COL21A1: variants seen among roughly 807,000 people sequenced by gnomAD.
COL21A1 encodes collagen type XXI alpha 1 chain.
A neutral mutation model predicts 137.9 loss-of-function variants in COL21A1; 149 were observed. The observed-to-expected ratio is 1.08, with a 90% CI of 0.95 to 1.24. The LOEUF is 1.24. COL21A1 is among the 50% of genes most tolerant of loss of function. The pLI is 0.00. For synonymous variants in COL21A1, 456 were observed against 391.5 expected, an observed-to-expected ratio of 1.16 and a Z score of -1.95; for missense variants, 1,167 against 1,158.4, an observed-to-expected ratio of 1.01 and a Z score of -0.11.
At chr6:56,233,307 C>G (rs893389647) in intron 1 of COL21A1, among the ~76,000 whole-genome samples, 6 of 151,592 alleles carry the variant, frequency 4.0e-5, no homozygotes, top group African/African-American at 1.5e-4. Context: ...TAAGAGTGAA[C>G]AAATATCAAT....
chr6:56,069,625 C>T (rs1023544370), intron 21 of COL21A1, among the ~76,000 whole-genome samples: 1 of 150,104 alleles, frequency 6.7e-6, no homozygotes, highest in Non-Finnish European at 1.5e-5. Context: ...TTCATAAACA[C>T]ACATATATAG....
At chr6:56,296,646 A>G (rs1266220163) in intron 1 of COL21A1, among the ~76,000 whole-genome samples, 5 of 152,016 alleles carry the variant, frequency 3.3e-5, no homozygotes, top group African/African-American at 1.2e-4. Context: ...GACAATATTT[A>G]GGCTGTGTCT....
Position 56,060,738 on chromosome 6 carries a change from T to G in COL21A1, c.2407+3A>C, listed in dbSNP as rs1298152828. ...TTATTAAAATGCTATATTTGATACC[T>G]ACCTCTTATTACATCTGTGCAAACT... is the stretch of plus-strand genomic sequence containing the variant. On this transcript the variant is annotated splice_donor_region_variant and intron_variant, in intron 27 of 29. Transcript: ENST00000244728. 6.3e-7 allele frequency: 1 copy of G among 1,596,668 alleles called. No homozygotes were observed. The highest frequency in any genetic ancestry group is 8.5e-7 in the Non-Finnish European group (1 of 1,174,900).
Position 56,060,064 on chromosome 6 carries a change from A to G in COL21A1, c.2562T>C (p.Pro854=). Residue 854 remains proline (P), a synonymous_variant, in exon 28 of 30, where the codon CCT becomes CCC. Coordinates refer to ENST00000244728, the MANE Select transcript of COL21A1 (RefSeq NM_030820.4). ...LPGLPGRDGV[P]GLVGVPGRPG... ...GACGTCCAGGGACACCCACTAATCC[A>G]GGAACACCATCTCTTCCTGGCAAAC... 1 of 1,610,530 alleles carries G rather than the reference A, an allele frequency of 6.2e-7. No homozygotes were observed. The highest frequency in any genetic ancestry group is 1.7e-4 in the Middle Eastern group (1 of 6,046).
intron 3 of COL21A1, among the ~76,000 whole-genome samples, chr6:56,173,621 C>T (rs546328798): frequency 6.6e-6 from 1 of 152,064 alleles, no homozygotes; most frequent in South Asian, 2.1e-4. Context: ...GAAAGATATC[C>T]TACTATGATA....
At chr6:56,145,515 G>A (rs528197085) in intron 10 of COL21A1, among the ~76,000 whole-genome samples, 7 of 152,096 alleles carry the variant, frequency 4.6e-5, no homozygotes, top group East Asian at 3.9e-4. Context: ...AGGTTAAAAA[G>A]GGGAATATTA....
intron 14 of COL21A1, among the ~76,000 whole-genome samples, chr6:56,125,108 C>T (rs1342570420): frequency 2.0e-5 from 3 of 149,776 alleles, no homozygotes; most frequent in Non-Finnish European, 3.0e-5. Flanking sequence ...GCAACCTCCG[C>T]CTCCCAGGTT....
intron 1 of COL21A1, among the ~76,000 whole-genome samples, chr6:56,190,817 A>C (rs892469688): frequency 1.3e-5 from 2 of 152,220 alleles, no homozygotes; most frequent in Non-Finnish European, 2.9e-5. Context: ...TTCATCACAT[A>C]AACAGCAACA....
At chr6:56,337,109 A>G (rs2152344484) in intron 1 of COL21A1, among the ~76,000 whole-genome samples, 1 of 152,270 alleles carries the variant, frequency 6.6e-6, no homozygotes, top group Middle Eastern at 3.4e-3. Flanking sequence ...CTACGAACTC[A>G]CTTTTCCTGG....
At chr6:56,140,675 C>G (rs1215146850) in intron 12 of COL21A1, among the ~76,000 whole-genome samples, 4 of 152,076 alleles carry the variant, frequency 2.6e-5, no homozygotes, top group African/African-American at 9.7e-5. Context: ...TATTTTAGCT[C>G]TGGGCAAAGA....
intron 1 of COL21A1, among the ~76,000 whole-genome samples, chr6:56,253,966 A>T (rs767356335): frequency 1.3e-5 from 2 of 152,226 alleles, no homozygotes; most frequent in Non-Finnish European, 2.9e-5. Flanking sequence ...TGACAGGTAA[A>T]GATGAAAAAA....
chr6:56,271,780 C>T (rs1178016734), intron 1 of COL21A1, among the ~76,000 whole-genome samples: 1 of 152,248 alleles, frequency 6.6e-6, no homozygotes, highest in Non-Finnish European at 1.5e-5. Flanking sequence ...GTCCCAGACA[C>T]TCCAGCTCCA....
At chr6:56,182,856 A>G (rs1410752349) in intron 1 of COL21A1, among the ~76,000 whole-genome samples, 200 bp from the exon 2 acceptor site, 1 of 152,210 alleles carries the variant, frequency 6.6e-6, no homozygotes, top group Non-Finnish European at 1.5e-5. Flanking sequence ...AGACCATGAT[A>G]AACCTTAATT....
intron 1 of COL21A1, among the ~76,000 whole-genome samples, chr6:56,316,566 CTG>C (rs1217833820): frequency 7.4e-6 from 1 of 135,380 alleles, no homozygotes; most frequent in African/African-American, 2.7e-5. Context: ...ACTGCAACCT[CTG>C]TCTCTCAGGT....
rs192162118 is a variant in COL21A1 at position 56,148,548 on chromosome 6, C to T, written c.1435-6565G>A. ...TCTTTGGCCTTTAATCAGCTGTATC[C>T]CATTTTCCAATTCTTTAATCTTCAT... is the stretch of plus-strand genomic sequence containing the variant. On this transcript the variant is annotated intron_variant, in intron 10 of 29. Transcript: ENST00000244728. 2.0e-3 allele frequency among the ~76,000 whole-genome samples: 305 copies of T among 152,184 alleles called. 7 individuals carry two copies. Among genetic ancestry groups the T allele is most frequent in the South Asian group, 2.9e-3 (14 of 4,816 alleles).
chr6:56,390,818 T>C (rs763799058), intron 1 of COL21A1, among the ~76,000 whole-genome samples: 1 of 152,102 alleles, frequency 6.6e-6, no homozygotes, highest in Non-Finnish European at 1.5e-5. Flanking sequence ...CATACAGATA[T>C]GTAAAGCAAA....
chr6:56,084,111 A>C (rs1322791768), intron 17 of COL21A1, among the ~76,000 whole-genome samples: 1 of 151,890 alleles, frequency 6.6e-6, no homozygotes, highest in Non-Finnish European at 1.5e-5. Flanking sequence ...AACACTAGAC[A>C]TTTCTACTTA....
At chr6:56,249,794 G>A (rs966240763), upstream of COL21A1, among the ~76,000 whole-genome samples, 10 of 152,254 alleles carry the variant, frequency 6.6e-5, no homozygotes, top group African/African-American at 2.2e-4. Flanking sequence ...TCTGGAGTTC[G>A]TGCTGATAGT....
intron 1 of COL21A1, among the ~76,000 whole-genome samples, chr6:56,320,518 A>AACACACACACACACAC (rs55942460): frequency 4.0e-5 from 6 of 149,604 alleles, no homozygotes; most frequent in African/African-American, 1.5e-4. Context: ...ACACAATCTG[A>AACACACACACACACAC]ACACACACAC....
Sources: allele counts gnomAD v4.1 joint callset (sites outside exome capture counted in the v4.1 genomes callset), GRCh38; gene constraint gnomAD v4.1.1; transcripts MANE v1.5; gene names NCBI Gene and HGNC (gene_info 2026-07-23, HGNC 2026-07-21).